The following KCNH5 variants were observed in gnomAD, a reference collection of about 807,000 sequenced individuals.
KCNH5 encodes potassium voltage-gated channel subfamily H member 5, also known as voltage-gated delayed rectifier potassium channel KCNH5.
KCNH5 carries 46 observed loss-of-function variants against 96.1 expected under a neutral mutation model. The observed-to-expected ratio is 0.48, with a 90% confidence interval of 0.38 to 0.61. The LOEUF (loss-of-function observed/expected upper bound fraction) is 0.61. KCNH5 is among the 20% of genes least tolerant of loss of function. The pLI, the probability that KCNH5 is intolerant of heterozygous loss-of-function variation, is 0.00. For missense variants in KCNH5, 907 were observed against 1,225.8 expected (o/e 0.74, Z 3.88); for synonymous variants, 439 against 449.8 (o/e 0.98, Z 0.30).
At chr14:63,033,000 T>A (rs557638772) in intron 1 of KCNH5, among the ~76,000 whole-genome samples, 7 of 152,188 alleles carry the variant, frequency 4.6e-5, no homozygotes, top group Non-Finnish European at 8.8e-5. Flanking sequence ...TGTCATCCAA[T>A]CCATTACTAG....
intron 8 of KCNH5, among the ~76,000 whole-genome samples, chr14:62,818,516 A>G (rs752401230): frequency 1.3e-5 from 2 of 152,226 alleles, no homozygotes; most frequent in African/African-American, 4.8e-5. Flanking sequence ...ATGACAATGT[A>G]TCAAGTCTTG....
At chr14:62,743,411 A>C (rs1431880678) in intron 10 of KCNH5, among the ~76,000 whole-genome samples, 2 of 152,214 alleles carry the variant, frequency 1.3e-5, no homozygotes, top group East Asian at 1.9e-4. Context: ...GAATAAATCT[A>C]TGAAATCTTT....
intron 8 of KCNH5, among the ~76,000 whole-genome samples, chr14:62,826,621 A>G (rs1294851270): frequency 1.3e-5 from 2 of 151,988 alleles, no homozygotes; most frequent in East Asian, 3.8e-4. Flanking sequence ...TAAAAGATGT[A>G]TATTGTAATG....
chr14:62,923,536 G>T lies in KCNH5; in HGVS notation c.1369+26597C>A, dbSNP rs950811940. The stretch of plus-strand genomic sequence containing the variant: ...AGCAATCTTGTGCAAAAAATACAAA[G>T]CTAGAGGCATTATTCTCTCTGATTT... On this transcript the variant is annotated intron_variant, in intron 7 of 10. Transcript: ENST00000322893. Among the ~76,000 whole-genome samples the T allele has an allele frequency of 3.3e-5, 5 of 151,820 alleles. No individual in the cohort carries two copies. In the East Asian group the frequency reaches 9.6e-4, roughly 29 times the overall value.
At chr14:62,733,748 T>C (rs925941940) in intron 10 of KCNH5, among the ~76,000 whole-genome samples, 2 of 152,146 alleles carry the variant, frequency 1.3e-5, no homozygotes, top group Admixed American at 6.6e-5. Context: ...TTGACACTAT[T>C]GGCCACTTTA....
rs1403672487 is a variant in KCNH5 at position 62,878,211 on chromosome 14, G to GTA, written c.1370-28360_1370-28359insTA. Among the ~76,000 whole-genome samples the GTA allele has an allele frequency of 7.4e-5, 11 of 148,914 alleles. 1 individual carries two copies. The South Asian group carries it at 1.5e-3, about 20-fold the overall frequency. ...GGACTGTTGTGGGGATGGGGGGGGGGGCGGAGGGATAGCATTAGGAGATAT... is the reference window on the plus strand; with the variant it reads ...GGACTGTTGTGGGGATGGGGGGGGGGTAGCGGAGGGATAGCATTAGGAGATAT... On this transcript the variant is annotated intron_variant, in intron 7 of 10. Coordinates refer to ENST00000322893, the MANE Select transcript of KCNH5 (RefSeq NM_139318.5).
intron 4 of KCNH5, among the ~76,000 whole-genome samples, chr14:62,987,671 G>GGAAGGATGCAATT (rs112022547): frequency 6.6e-6 from 1 of 151,866 alleles, no homozygotes; most frequent in African/African-American, 2.4e-5. Context: ...TCTACCAGCT[G>GGAAGGATGCAATT]GACAAGGCCC....
chr14:62,905,881 G>C (rs1248638171), intron 7 of KCNH5, among the ~76,000 whole-genome samples: 2 of 152,188 alleles, frequency 1.3e-5, no homozygotes, highest in African/African-American at 4.8e-5. Context: ...TCAAGACTGA[G>C]ACTGGCACCA....
intron 7 of KCNH5, among the ~76,000 whole-genome samples, chr14:62,923,285 C>A (rs959119240): frequency 6.6e-6 from 1 of 151,782 alleles, no homozygotes; most frequent in Non-Finnish European, 1.5e-5. Context: ...AATCTGTACA[C>A]TGTAAACTAT....
chr14:62,836,843 T>G (rs1887475221), intron 8 of KCNH5, among the ~76,000 whole-genome samples: 1 of 152,192 alleles, frequency 6.6e-6, no homozygotes, highest in Admixed American at 6.6e-5. Flanking sequence ...CCTGATGTAC[T>G]GCCTGGAACA....
intron 10 of KCNH5, among the ~76,000 whole-genome samples, chr14:62,759,551 T>A (rs1337193933): frequency 3.9e-5 from 3 of 76,646 alleles, no homozygotes; most frequent in Non-Finnish European, 1.1e-4. Flanking sequence ...TAAAGCTGGT[T>A]TACCCTCCAG....
intron 4 of KCNH5, among the ~76,000 whole-genome samples, chr14:62,990,963 C>A (rs1890797960): frequency 6.6e-6 from 1 of 152,064 alleles, no homozygotes; most frequent in Non-Finnish European, 1.5e-5. Context: ...ATAATGAGAA[C>A]AGCATGGGGG....
chr14:62,894,118 A>C (rs1248338610), intron 7 of KCNH5, among the ~76,000 whole-genome samples: 2 of 152,234 alleles, frequency 1.3e-5, no homozygotes, highest in Non-Finnish European at 2.9e-5. Flanking sequence ...TTCCATATTT[A>C]ATAGACTGCA....
At chr14:62,758,161 G>C in intron 10 of KCNH5, among the ~76,000 whole-genome samples, 1 of 147,976 alleles carries the variant, frequency 6.8e-6, no homozygotes, top group African/African-American at 2.5e-5. Context: ...AAAAAAAAAA[G>C]TTACAAATAG....
In KCNH5 at chr14:62,705,728, C is replaced by T. The variant is rs1595586265; in HGVS notation, c.*1780G>A. 2.0e-5 allele frequency: 3 copies of T among 152,012 alleles called. No homozygotes were observed. The highest frequency in any genetic ancestry group is 3.8e-4 in the East Asian group (2 of 5,202). The allele number at this position is 152,012 out of a possible 1,614,324, so 9.4% of individuals were successfully genotyped here. ...ACTGTTTTTATAAATCACTGTTTTG[C>T]ACTTCTCAAGTCTGAATGTGATAAC... is the stretch of plus-strand genomic sequence containing the variant. On this transcript the variant is annotated 3_prime_UTR_variant, in exon 11 of 11. Transcript: ENST00000322893.
chr14:62,841,167 A>G (rs1887577348), intron 8 of KCNH5, among the ~76,000 whole-genome samples: 1 of 152,216 alleles, frequency 6.6e-6, no homozygotes, highest in South Asian at 2.1e-4. Flanking sequence ...GCACTGGATG[A>G]GAAATGAAAA....
intron 10 of KCNH5, among the ~76,000 whole-genome samples, chr14:62,764,242 C>T (rs1007490776): frequency 1.3e-5 from 2 of 152,154 alleles, no homozygotes; most frequent in Non-Finnish European, 2.9e-5. Flanking sequence ...AAATGTGATT[C>T]ATTACATAAG....
intron 2 of KCNH5, among the ~76,000 whole-genome samples, chr14:63,008,269 G>C (rs1055104767): frequency 6.6e-6 from 1 of 151,984 alleles, no homozygotes; most frequent in Non-Finnish European, 1.5e-5. Flanking sequence ...TATAAAACAA[G>C]ATTACAAACA....
intron 10 of KCNH5, among the ~76,000 whole-genome samples, chr14:62,730,876 G>C (rs1391092716): frequency 6.6e-6 from 1 of 152,182 alleles, no homozygotes; most frequent in African/African-American, 2.4e-5. Context: ...CAAACACTTA[G>C]TATAGATGGA....
Sources: allele counts gnomAD v4.1 joint callset (sites outside exome capture counted in the v4.1 genomes callset), GRCh38; gene constraint gnomAD v4.1.1; transcripts MANE v1.5; gene names NCBI Gene and HGNC (gene_info 2026-07-23, HGNC 2026-07-21).